Variants in TAFA1 observed in about 807,000 individuals in gnomAD.
TAFA1 encodes TAFA chemokine like family member 1, also known as chemokine-like protein TAFA-1.
TAFA1 carries 4 observed loss-of-function variants against 18.5 expected under a neutral mutation model. The observed-to-expected ratio is 0.22, with a 90% CI of 0.11 to 0.49. The LOEUF (loss-of-function observed/expected upper bound fraction) is 0.49, where lower values mean the gene tolerates loss of function less well. Ranked by LOEUF, TAFA1 falls within the 20% of genes least tolerant of loss-of-function variation. TAFA1 has a pLI of 0.98. For synonymous variants in TAFA1, 56 were observed against 55.2 expected, an observed-to-expected ratio of 1.01 and a Z score of -0.06; for missense variants, 147 against 169.0, an observed-to-expected ratio of 0.87 and a Z score of 0.72.
At chr3:68,109,366 T>A (rs1024241369) in intron 2 of TAFA1, among the ~76,000 whole-genome samples, 2 of 152,178 alleles carry the variant, frequency 1.3e-5, no homozygotes, top group African/African-American at 4.8e-5. Flanking sequence ...TTTCATGTGT[T>A]ATCTGTTCAT....
At chr3:68,031,770 T>C (rs797017089) in intron 2 of TAFA1, among the ~76,000 whole-genome samples, 3 of 152,298 alleles carry the variant, frequency 2.0e-5, no homozygotes, top group African/African-American at 7.2e-5. Context: ...AACCCAGACA[T>C]ACACTATTTG....
chr3:68,275,523 G>T (rs2067778896), intron 2 of TAFA1, among the ~76,000 whole-genome samples: 1 of 146,910 alleles, frequency 6.8e-6, no homozygotes, highest in African/African-American at 2.5e-5. Flanking sequence ...TTTTGCATAA[G>T]TCATAAAGAA....
At chr3:68,393,345 C>G (rs939791276) in intron 2 of TAFA1, among the ~76,000 whole-genome samples, 4 of 147,854 alleles carry the variant, frequency 2.7e-5, no homozygotes, top group African/African-American at 1.0e-4. Context: ...AGCAAGTTCT[C>G]AAATAAAGGC....
chr3:68,466,139 G>A lies in TAFA1; in HGVS notation c.259+48719G>A, dbSNP rs141952482. ...TGAATTTCCTGGCACTCTTGAGGTT[G>A]GGCTGGGTATGAGTAGAGTTGGCAT... On this transcript the variant is annotated intron_variant, in intron 3 of 4. Coordinates refer to ENST00000478136, the MANE Select transcript of TAFA1 (RefSeq NM_213609.4). Among the ~76,000 whole-genome samples the A allele has an allele frequency of 9.2e-5, 14 of 152,000 alleles. No homozygotes were observed. In the East Asian group the frequency reaches 2.5e-3, roughly 27 times the overall value.
chr3:68,298,046 T>G (rs2068240974), intron 2 of TAFA1, among the ~76,000 whole-genome samples: 1 of 152,212 alleles, frequency 6.6e-6, no homozygotes, highest in Non-Finnish European at 1.5e-5. Flanking sequence ...ACAAAATTGT[T>G]TCCTTGCACT....
chr3:68,310,530 A>G (rs1228897009), intron 2 of TAFA1, among the ~76,000 whole-genome samples: 2 of 152,172 alleles, frequency 1.3e-5, no homozygotes, highest in African/African-American at 4.8e-5. Flanking sequence ...TATAGTTTAT[A>G]TTGTTGAAGT....
At chr3:68,395,209 C>T (rs1339376788) in intron 2 of TAFA1, among the ~76,000 whole-genome samples, 5 of 152,070 alleles carry the variant, frequency 3.3e-5, no homozygotes, top group African/African-American at 7.2e-5. Flanking sequence ...CATCACTGGT[C>T]GTTAGAGAAT....
intron 2 of TAFA1, among the ~76,000 whole-genome samples, chr3:68,058,212 T>A (rs986147051): frequency 6.6e-6 from 1 of 152,156 alleles, no homozygotes; most frequent in Non-Finnish European, 1.5e-5. Context: ...CTTGAGAAAG[T>A]TATGCAACAA....
chr3:68,209,276 G>A (rs1282046111), intron 2 of TAFA1, among the ~76,000 whole-genome samples: 1 of 151,966 alleles, frequency 6.6e-6, no homozygotes, highest in Non-Finnish European at 1.5e-5. Context: ...CAGAAACAGT[G>A]CAGTGACAAA....
Position 68,058,760 on chromosome 3 carries a change from C to T in TAFA1, c.118+52016C>T, listed in dbSNP as rs931649475. ...TTGTATACTGATACCTGTTTTCAGA[C>T]GTGTAAAAGCTATAGTTTTATTATT... On this transcript the variant is annotated intron_variant, in intron 2 of 4. Transcript: ENST00000478136. Among the ~76,000 whole-genome samples the T allele has an allele frequency of 2.0e-5, 3 of 152,058 alleles. No individual in the cohort carries two copies. In the East Asian group the frequency reaches 5.8e-4, roughly 29 times the overall value.
At chr3:68,027,438 C>T (rs1222755399) in intron 2 of TAFA1, among the ~76,000 whole-genome samples, 1 of 152,128 alleles carries the variant, frequency 6.6e-6, no homozygotes, top group Admixed American at 6.6e-5. Flanking sequence ...TGGACTGTCC[C>T]TTTTCCAGGC....
At chr3:68,276,480 T>C (rs1575739408) in intron 2 of TAFA1, among the ~76,000 whole-genome samples, 1 of 152,288 alleles carries the variant, frequency 6.6e-6, no homozygotes, top group East Asian at 1.9e-4. Context: ...GCAGAAGTTG[T>C]TGTGCCACCC....
At chr3:68,201,214 A>C (rs2066466369) in intron 2 of TAFA1, among the ~76,000 whole-genome samples, 1 of 151,620 alleles carries the variant, frequency 6.6e-6, no homozygotes, top group Middle Eastern at 3.2e-3. Context: ...ATTGAATTTT[A>C]GTTTAATTTC....
chr3:68,221,579 C>G (rs1031300534), intron 2 of TAFA1, among the ~76,000 whole-genome samples: 34 of 152,154 alleles, frequency 2.2e-4, no homozygotes, highest in Admixed American at 5.9e-4. Context: ...TATTCCTCCT[C>G]TTTCACCCTC....
At chr3:68,516,610 G>T (rs938895588) in intron 3 of TAFA1, among the ~76,000 whole-genome samples, 3 of 152,170 alleles carry the variant, frequency 2.0e-5, no homozygotes, top group African/African-American at 7.2e-5. Flanking sequence ...GAGAGCACTG[G>T]TTCTTTCTCT....
chr3:68,390,601 G>A (rs2070215908), intron 2 of TAFA1, among the ~76,000 whole-genome samples: 1 of 152,194 alleles, frequency 6.6e-6, no homozygotes, highest in African/African-American at 2.4e-5. Flanking sequence ...CCTTATACAG[G>A]AGAGGCAGCG....
At chr3:68,231,344 A>ATTTTTTTTTTT (rs1175174572) in intron 2 of TAFA1, among the ~76,000 whole-genome samples, 4 of 79,852 alleles carry the variant, frequency 5.0e-5, no homozygotes, top group African/African-American at 1.0e-4. Flanking sequence ...AATCTATTTG[A>ATTTTTTTTTTT]TTTTTTTTTT....
intron 2 of TAFA1, among the ~76,000 whole-genome samples, chr3:68,115,458 A>C (rs1403308124): frequency 6.6e-6 from 1 of 152,192 alleles, no homozygotes. Context: ...GCTAAGTGTA[A>C]AAGTAGAATG....
intron 2 of TAFA1, among the ~76,000 whole-genome samples, chr3:68,328,066 G>A (rs748895555): frequency 6.6e-6 from 1 of 152,078 alleles, no homozygotes; most frequent in Non-Finnish European, 1.5e-5. Context: ...GTTAACGTCG[G>A]CCTGTGAATC....
Sources: gnomAD v4.1 joint callset for allele counts (sites outside exome capture counted in the v4.1 genomes callset) on GRCh38, gnomAD v4.1.1 for gene constraint, MANE v1.5 for transcripts, NCBI Gene and HGNC (gene_info 2026-07-23, HGNC 2026-07-21) for gene names.